The following SCYL3 variants were observed in gnomAD, a reference collection of about 807,000 sequenced individuals.
The protein encoded by SCYL3 is protein-associating with the carboxyl-terminal domain of ezrin.
A neutral mutation model predicts 73.8 loss-of-function variants in SCYL3; 35 were observed. The observed-to-expected ratio is 0.47, with a 90% CI of 0.36 to 0.63. The LOEUF (loss-of-function observed/expected upper bound fraction) is 0.63, where lower values mean the gene tolerates loss of function less well. Ranked by LOEUF, SCYL3 falls within the 20% of genes least tolerant of loss-of-function variation. The pLI, the probability that SCYL3 is intolerant of heterozygous loss-of-function variation, is 0.00. For missense variants in SCYL3, 712 were observed against 798.9 expected (o/e 0.89, Z 1.31); for synonymous variants, 277 against 295.2 (o/e 0.94, Z 0.63).
At chr1:169,857,808 TAA>T (rs1659305689) in intron 11 of SCYL3, among the ~76,000 whole-genome samples, 1 of 152,214 alleles carries the variant, frequency 6.6e-6, no homozygotes, top group Admixed American at 6.5e-5. Flanking sequence ...TGTCCTTGTA[TAA>T]ACATAGATGG....
intron 11 of SCYL3, chr1:169,856,054 AT>A: frequency 2.0e-6 from 2 of 998,168 alleles, no homozygotes. Flanking sequence ...AAATGGGTAT[AT>A]TTTTATACAT....
chr1:169,866,625 C>T (rs950834173), intron 8 of SCYL3, among the ~76,000 whole-genome samples: 16 of 152,192 alleles, frequency 1.1e-4, no homozygotes, highest in African/African-American at 3.4e-4. Context: ...TTTTCTCTAA[C>T]GACCTCCTCC....
intron 3 of SCYL3, among the ~76,000 whole-genome samples, chr1:169,876,727 A>G (rs961505592): frequency 1.3e-5 from 2 of 152,094 alleles, no homozygotes; most frequent in Non-Finnish European, 2.9e-5. Context: ...AGGTCGAGGC[A>G]GGCAGATCAT....
At chr1:169,856,551 C>T (rs965342299) in intron 11 of SCYL3, among the ~76,000 whole-genome samples, 4 of 152,094 alleles carry the variant, frequency 2.6e-5, no homozygotes, top group South Asian at 2.1e-4. Flanking sequence ...AAACTCTTAA[C>T]GATTAGGTCC....
chr1:169,886,304 A>C (rs1661685505), intron 2 of SCYL3, among the ~76,000 whole-genome samples: 1 of 152,134 alleles, frequency 6.6e-6, no homozygotes. Context: ...GAGTGAGACT[A>C]CATCTCAAAA....
intron 2 of SCYL3, among the ~76,000 whole-genome samples, chr1:169,883,017 C>T (rs1661407128): frequency 1.3e-5 from 2 of 152,112 alleles, no homozygotes; most frequent in South Asian, 4.1e-4. Flanking sequence ...TGTTGCTGCT[C>T]ACTCTTTGGG....
At position 169,855,650 on chromosome 1, in the gene SCYL3, G is replaced by A. The variant is rs1659070091; in HGVS notation, c.1313-686C>T. ...AGAGGAGGTAAGTATATATCCAATAGTCTGGAGAAACAAGATGAGACCAAA... is the reference window on the plus strand; with the variant it reads ...AGAGGAGGTAAGTATATATCCAATAATCTGGAGAAACAAGATGAGACCAAA... On this transcript the variant is annotated intron_variant, in intron 11 of 12. Coordinates refer to ENST00000367771, the MANE Select transcript of SCYL3 (RefSeq NM_020423.7). 4 of 686,446 alleles carry A rather than the reference G, an allele frequency of 5.8e-6. No individual in the cohort carries two copies. In the East Asian group the frequency reaches 1.1e-4, roughly 19 times the overall value. The allele number at this position is 686,446 out of a possible 1,614,324, so 42.5% of individuals were successfully genotyped here. A position where few individuals can be genotyped will look rare whatever the true frequency, so the allele number is the denominator to read the frequency against.
intron 11 of SCYL3, among the ~76,000 whole-genome samples, chr1:169,857,440 C>T (rs760456702): frequency 6.6e-6 from 1 of 152,046 alleles, no homozygotes; most frequent in East Asian, 1.9e-4. Flanking sequence ...TATTTTTGAT[C>T]CACAGTTGGT....
chr1:169,849,926 C>A lies in SCYL3; in HGVS notation c.*3787G>T. The A allele has an allele frequency of 2.2e-6, 1 of 460,788 alleles. No individual in the cohort carries two copies. Among genetic ancestry groups the A allele is most frequent in the Non-Finnish European group, 3.9e-6 (1 of 256,494 alleles). The allele number at this position is 460,788 out of a possible 1,614,324, so 28.5% of individuals were successfully genotyped here. A position where few individuals can be genotyped will look rare whatever the true frequency, so the allele number is the denominator to read the frequency against. On this transcript the variant is annotated 3_prime_UTR_variant, in exon 13 of 13. Coordinates refer to ENST00000367771, the MANE Select transcript of SCYL3 (RefSeq NM_020423.7). ...GATAATACATTTCATTTTGTGCTAT[C>A]AGTCATAAGGGTTAGGCTGATGAAC...
rs79141486 is a variant in SCYL3, at chr1:169,861,541, T to C, written c.1140+1072A>G. ...CAGATGACTGAAGACTCAGCTGATATGTGGAACAGAACCTTCAGCTGAGTC... is the reference window on the plus strand; with the variant it reads ...CAGATGACTGAAGACTCAGCTGATACGTGGAACAGAACCTTCAGCTGAGTC... On this transcript the variant is annotated intron_variant, in intron 10 of 12. Transcript: ENST00000367771. Among the ~76,000 whole-genome samples the C allele has an allele frequency of 1.4e-3, 216 of 152,304 alleles. 4 individuals carry two copies. In the East Asian group the frequency reaches 0.039, roughly 28 times the overall value.
chr1:169,880,029 A>T (rs1332170143), intron 2 of SCYL3, among the ~76,000 whole-genome samples: 1 of 152,120 alleles, frequency 6.6e-6, no homozygotes, highest in Non-Finnish European at 1.5e-5. Flanking sequence ...GCACTTTGGG[A>T]GGCCAATGCA....
At chr1:169,861,936 CAGA>C (rs1019846266) in intron 10 of SCYL3, among the ~76,000 whole-genome samples, 1 of 152,090 alleles carries the variant, frequency 6.6e-6, no homozygotes, top group African/African-American at 2.4e-5. Context: ...CACGTGACAA[CAGA>C]AGCAGAGACT....
At chr1:169,880,759 C>T (rs982704509) in intron 2 of SCYL3, among the ~76,000 whole-genome samples, 1 of 141,708 alleles carries the variant, frequency 7.1e-6, no homozygotes, top group African/African-American at 2.5e-5. Flanking sequence ...AATATGAAGG[C>T]CACTTTTTTT....
intron 1 of SCYL3, among the ~76,000 whole-genome samples, chr1:169,891,664 C>T (rs557320409): frequency 2.0e-5 from 3 of 152,282 alleles, no homozygotes; most frequent in Middle Eastern, 3.4e-3. Context: ...ATATCTTCTT[C>T]GCAGGAAATC....
intron 2 of SCYL3, among the ~76,000 whole-genome samples, chr1:169,884,098 A>T (rs1032184065): frequency 3.9e-5 from 6 of 152,156 alleles, no homozygotes; most frequent in Non-Finnish European, 5.9e-5. Context: ...TTATTTATTT[A>T]TTCTTAGGAA....
In SCYL3 at chr1:169,853,140, T is replaced by TATTCTTATTAAGAACTTTG. The variant is rs1342645381; in HGVS notation, c.*554_*572dup. On this transcript the variant is annotated 3_prime_UTR_variant, in exon 13 of 13. Transcript: ENST00000367771. ...ATTTAGAGAACAGGATTGTGGGGAA[T>TATTCTTATTAAGAACTTTG]ATTCTTATTAAGAACTTTGGTACAA... 4.1e-5 allele frequency: 31 copies of TATTCTTATTAAGAACTTTG among 752,652 alleles called. 1 individual carries two copies. In the South Asian group the frequency reaches 5.5e-4, roughly 13 times the overall value. 46.6% of individuals were successfully genotyped at this position (752,652 alleles called of 1,614,324 possible). A position where few individuals can be genotyped will look rare whatever the true frequency, so the allele number is the denominator to read the frequency against.
intron 5 of SCYL3, among the ~76,000 whole-genome samples, chr1:169,872,468 G>A (rs560513144): frequency 6.6e-6 from 1 of 152,270 alleles, no homozygotes; most frequent in Non-Finnish European, 1.5e-5. Flanking sequence ...TACTAGGGCA[G>A]TGTGAAAAGG....
rs1558106943 is a variant in SCYL3, at chr1:169,852,797, CAA to C, written c.*914_*915del. The C allele has an allele frequency of 6.2e-7, 1 of 1,613,528 alleles. No individual in the cohort carries two copies. The highest frequency in any genetic ancestry group is 2.2e-5 in the East Asian group (1 of 44,878). On this transcript the variant is annotated 3_prime_UTR_variant, in exon 13 of 13. Transcript: ENST00000367771. ...CTTATGTTTTTTTTCCAGCCTTATGCAAAAAGAGCTCGTCAGGAGTTCCCCTG... is the reference window on the plus strand; with the variant it reads ...CTTATGTTTTTTTTCCAGCCTTATGCAAAGAGCTCGTCAGGAGTTCCCCTG...
intron 2 of SCYL3, among the ~76,000 whole-genome samples, chr1:169,888,410 A>G (rs1192211119): frequency 2.0e-5 from 3 of 151,958 alleles, no homozygotes; most frequent in Non-Finnish European, 4.4e-5. Context: ...ATGTCTCCCT[A>G]ACTTTCTCAC....
Sources: gnomAD v4.1 joint callset for allele counts (sites outside exome capture counted in the v4.1 genomes callset) on GRCh38, gnomAD v4.1.1 for gene constraint, MANE v1.5 for transcripts, NCBI Gene and HGNC (gene_info 2026-07-23, HGNC 2026-07-21) for gene names.